Variants in MAP2K4 observed in about 807,000 individuals in gnomAD.
MAP2K4 encodes the protein dual specificity mitogen-activated protein kinase kinase 4.
In MAP2K4, 4 loss-of-function variants were observed where a neutral mutation model predicts 48.5. The observed-to-expected ratio is 0.08, with a 90% CI of 0.04 to 0.19. The LOEUF (loss-of-function observed/expected upper bound fraction) is 0.19. MAP2K4 is among the 10% of genes least tolerant of loss of function. The pLI, the probability that MAP2K4 is intolerant of heterozygous loss-of-function variation, is 1.00. For synonymous variants in MAP2K4, 166 were observed against 173.1 expected (o/e 0.96, Z 0.32); for missense variants, 258 against 493.3 (o/e 0.52, Z 4.52).
chr17:12,031,077 T>C lies in MAP2K4; in HGVS notation c.115+10076T>C, dbSNP rs1447846294. Among the ~76,000 whole-genome samples, 4 of 152,304 alleles carry C rather than the reference T, an allele frequency of 2.6e-5. No homozygotes were observed. The East Asian group carries it at 7.7e-4, about 29-fold the overall frequency. On this transcript the variant is annotated intron_variant, in intron 1 of 10. Coordinates refer to ENST00000353533, the MANE Select transcript of MAP2K4 (RefSeq NM_003010.4). The stretch of plus-strand genomic sequence containing the variant: ...CATTTGGTGGGGTAGCATATTGACC[T>C]TCAGTGGTAGAGAGACCAGGGTCAG...
intron 7 of MAP2K4, among the ~76,000 whole-genome samples, chr17:12,116,960 G>A (rs566923100): frequency 6.6e-5 from 10 of 152,200 alleles, no homozygotes; most frequent in Admixed American, 2.6e-4. Context: ...GTCACTCTAC[G>A]TTATGAGGGC....
chr17:12,084,958 A>G (rs1263458683), intron 3 of MAP2K4, among the ~76,000 whole-genome samples: 2 of 152,148 alleles, frequency 1.3e-5, no homozygotes, highest in Non-Finnish European at 2.9e-5. Context: ...AGCTTAGACC[A>G]TGGGCTTACA....
At chr17:12,045,364 G>A (rs1969930189) in intron 1 of MAP2K4, among the ~76,000 whole-genome samples, 1 of 151,932 alleles carries the variant, frequency 6.6e-6, no homozygotes, top group African/African-American at 2.4e-5. Context: ...TAAATGTGAT[G>A]TAAGACCTGT....
intron 1 of MAP2K4, among the ~76,000 whole-genome samples, chr17:12,051,089 G>C (rs921583366): frequency 6.6e-6 from 1 of 152,172 alleles, no homozygotes; most frequent in African/African-American, 2.4e-5. Context: ...GTGGCTGAGT[G>C]GGGACAGGAC....
chr17:12,049,647 T>C (rs1970071981), intron 1 of MAP2K4, among the ~76,000 whole-genome samples: 1 of 152,178 alleles, frequency 6.6e-6, no homozygotes, highest in African/African-American at 2.4e-5. Flanking sequence ...TCAGGGTAGC[T>C]TTCCAGGAGG....
intron 2 of MAP2K4, among the ~76,000 whole-genome samples, chr17:12,077,079 A>G (rs1320469622): frequency 1.3e-5 from 2 of 152,232 alleles, no homozygotes; most frequent in Non-Finnish European, 1.5e-5. Flanking sequence ...GAATGAGTTC[A>G]GGAGAACGGA....
At chr17:12,042,205 G>C (rs903135832) in intron 1 of MAP2K4, among the ~76,000 whole-genome samples, 3 of 142,486 alleles carry the variant, frequency 2.1e-5, no homozygotes, top group African/African-American at 7.6e-5. Flanking sequence ...CCATGTAGTA[G>C]TAACAGGTTA....
chr17:12,090,527 C>T (rs148960495), intron 3 of MAP2K4, among the ~76,000 whole-genome samples: 1 of 152,262 alleles, frequency 6.6e-6, no homozygotes, highest in East Asian at 1.9e-4. Flanking sequence ...TATTTTGCCT[C>T]GTCTGCAACT....
chr17:12,077,150 C>A (rs147073780), intron 2 of MAP2K4, among the ~76,000 whole-genome samples: 2 of 152,272 alleles, frequency 1.3e-5, no homozygotes, highest in African/African-American at 4.8e-5. Flanking sequence ...ATAGAAATGA[C>A]CCCTGAAAGT....
At chr17:12,043,374 A>G (rs1470568704) in intron 1 of MAP2K4, among the ~76,000 whole-genome samples, 1 of 152,152 alleles carries the variant, frequency 6.6e-6, no homozygotes, top group Non-Finnish European at 1.5e-5. Context: ...TCTGACAGCA[A>G]CCGTGTATCC....
intron 1 of MAP2K4, among the ~76,000 whole-genome samples, chr17:12,029,559 C>G (rs1477743245): frequency 6.6e-6 from 1 of 152,012 alleles, no homozygotes; most frequent in East Asian, 1.9e-4. Context: ...TCAACAGGTT[C>G]AACGGATTAT....
At chr17:12,115,198 T>C (rs1039146301) in intron 7 of MAP2K4, among the ~76,000 whole-genome samples, 2 of 152,222 alleles carry the variant, frequency 1.3e-5, no homozygotes, top group Admixed American at 1.3e-4. Flanking sequence ...ACATAAATTT[T>C]CCTGTAAACC....
Position 12,126,973 on chromosome 17 carries a change from C to G in MAP2K4, c.891+1602C>G, listed in dbSNP as rs192680854. On this transcript the variant is annotated intron_variant, in intron 8 of 10. Coordinates refer to ENST00000353533, the MANE Select transcript of MAP2K4 (RefSeq NM_003010.4). ...GTTTTTGCTACCTAAGACTCTATAG[C>G]CCAGAAATACACAGGTTCAGAGCAA... Among the ~76,000 whole-genome samples, 175 of 152,262 alleles carry G rather than the reference C, an allele frequency of 1.1e-3. 3 individuals carry two copies. The East Asian group carries it at 0.028, about 24-fold the overall frequency.
intron 4 of MAP2K4, among the ~76,000 whole-genome samples, chr17:12,098,519 A>T (rs1039004534): frequency 7.3e-5 from 11 of 151,416 alleles, no homozygotes; most frequent in Non-Finnish European, 8.8e-5. Flanking sequence ...ATATATATAT[A>T]TTTTCATATA....
At chr17:12,041,104 C>G (rs1436511589) in intron 1 of MAP2K4, among the ~76,000 whole-genome samples, 1 of 152,202 alleles carries the variant, frequency 6.6e-6, no homozygotes, top group East Asian at 1.9e-4. Flanking sequence ...CTTGATTATT[C>G]TTAATTTAGT....
chr17:12,058,727 A>T (rs1970360777), intron 2 of MAP2K4, among the ~76,000 whole-genome samples: 1 of 152,192 alleles, frequency 6.6e-6, no homozygotes. Context: ...ATATTTTAGT[A>T]TGCATTTATA....
intron 2 of MAP2K4, among the ~76,000 whole-genome samples, chr17:12,067,419 C>G (rs1970651164): frequency 6.6e-6 from 1 of 151,952 alleles, no homozygotes; most frequent in African/African-American, 2.4e-5. Context: ...TGTGGGAGGC[C>G]GTCGTCCTGT....
intron 5 of MAP2K4, among the ~76,000 whole-genome samples, chr17:12,108,806 G>T (rs921683147): frequency 2.0e-5 from 3 of 151,646 alleles, no homozygotes; most frequent in African/African-American, 7.3e-5. Flanking sequence ...TTCATAAAAA[G>T]ATTTTATGAA....
Position 12,051,515 on chromosome 17 carries a change from A to G in MAP2K4, c.116-3374A>G, listed in dbSNP as rs28918102. ...CTCTCCTGCTATAGTTAAAGGGACAATGTTTATCTGTGTTGACTGGTTAGA... is the reference window on the plus strand; with the variant it reads ...CTCTCCTGCTATAGTTAAAGGGACAGTGTTTATCTGTGTTGACTGGTTAGA... On this transcript the variant is annotated intron_variant, in intron 1 of 10. Transcript: ENST00000353533. Among the ~76,000 whole-genome samples, 110 of 152,304 alleles carry G rather than the reference A, an allele frequency of 7.2e-4. 1 individual carries two copies. Among genetic ancestry groups the G allele is most frequent in the East Asian group, 5.0e-3 (26 of 5,172 alleles).
Sources: gnomAD v4.1 joint callset for allele counts (sites outside exome capture counted in the v4.1 genomes callset) on GRCh38, gnomAD v4.1.1 for gene constraint, MANE v1.5 for transcripts, NCBI Gene and HGNC (gene_info 2026-07-23, HGNC 2026-07-21) for gene names.